MAGI1: variants seen among roughly 807,000 people sequenced by gnomAD.
MAGI1 encodes membrane associated guanylate kinase, WW and PDZ domain containing 1.
In MAGI1, 58 loss-of-function variants were observed where a neutral mutation model predicts 139.9. The observed-to-expected ratio is 0.41, with a 90% CI of 0.34 to 0.52. The LOEUF is 0.52. Ranked by LOEUF, MAGI1 falls within the 20% of genes least tolerant of loss-of-function variation. MAGI1 has a pLI of 0.12. For missense variants in MAGI1, 1,874 were observed against 1,901.6 expected (o/e 0.99, Z 0.27); for synonymous variants, 812 against 737.9 (o/e 1.10, Z -1.63).
intron 2 of MAGI1, among the ~76,000 whole-genome samples, chr3:65,612,195 T>C (rs2083160154): frequency 6.6e-6 from 1 of 152,102 alleles, no homozygotes; most frequent in African/African-American, 2.4e-5. Flanking sequence ...TTATTTTTTA[T>C]TTTTTGGTAT....
At chr3:65,370,183 C>T (rs766965417) in intron 18 of MAGI1, among the ~76,000 whole-genome samples, 32 of 152,240 alleles carry the variant, frequency 2.1e-4, no homozygotes, top group Non-Finnish European at 3.8e-4. Flanking sequence ...AGGAGCATCA[C>T]CATGAACCCG....
At chr3:65,402,914 G>T (rs2107128051) in intron 12 of MAGI1, among the ~76,000 whole-genome samples, 1 of 152,300 alleles carries the variant, frequency 6.6e-6, no homozygotes, top group East Asian at 1.9e-4. Context: ...ACACTCAGTA[G>T]TTTGTCAGAA....
chr3:65,877,301 G>A (rs1355468356), intron 1 of MAGI1, among the ~76,000 whole-genome samples: 3 of 152,116 alleles, frequency 2.0e-5, no homozygotes, highest in Non-Finnish European at 4.4e-5. Flanking sequence ...AACTCTACAA[G>A]GTACAACTCC....
chr3:65,607,116 A>G (rs1368503513), intron 2 of MAGI1, among the ~76,000 whole-genome samples: 1 of 151,938 alleles, frequency 6.6e-6, no homozygotes, highest in Non-Finnish European at 1.5e-5. Context: ...CATGTTAAAT[A>G]AATAACAATA....
chr3:65,936,155 G>A (rs146015604), intron 1 of MAGI1, among the ~76,000 whole-genome samples: 1 of 152,146 alleles, frequency 6.6e-6, no homozygotes. Flanking sequence ...GCCATGGAAG[G>A]GTTTTAAGAA....
intron 1 of MAGI1, among the ~76,000 whole-genome samples, chr3:65,781,663 A>C (rs1228491274): frequency 6.6e-6 from 1 of 152,238 alleles, no homozygotes; most frequent in African/African-American, 2.4e-5. Context: ...TATTATAGAT[A>C]ATTCAGTTTT....
At chr3:65,569,772 G>C (rs1231638385) in intron 2 of MAGI1, among the ~76,000 whole-genome samples, 2 of 151,902 alleles carry the variant, frequency 1.3e-5, no homozygotes, top group Non-Finnish European at 2.9e-5. Context: ...TTCTACTTGG[G>C]GGGCTGATGG....
At chr3:65,704,095 C>T (rs1298814702) in intron 1 of MAGI1, among the ~76,000 whole-genome samples, 2 of 152,120 alleles carry the variant, frequency 1.3e-5, no homozygotes, top group Non-Finnish European at 2.9e-5. Flanking sequence ...GAAGGCAGGG[C>T]ATCACCAATC....
chr3:65,744,698 T>A (rs1180941903), intron 1 of MAGI1, among the ~76,000 whole-genome samples: 1 of 109,982 alleles, frequency 9.1e-6, no homozygotes, highest in Non-Finnish European at 2.4e-5. Flanking sequence ...TTGTTTTCTG[T>A]TTTTTTTAAT....
chr3:65,643,160 T>C (rs996430625), intron 1 of MAGI1, among the ~76,000 whole-genome samples: 1 of 152,234 alleles, frequency 6.6e-6, no homozygotes, highest in Non-Finnish European at 1.5e-5. Flanking sequence ...GAGTTATTCA[T>C]TTCTCAGCTC....
At chr3:65,770,306 C>A (rs574905652) in intron 1 of MAGI1, among the ~76,000 whole-genome samples, 116 of 152,240 alleles carry the variant, frequency 7.6e-4, no homozygotes, top group South Asian at 3.3e-3. Flanking sequence ...CAAAATTGGT[C>A]AAGCACTAAT....
At position 65,783,350 on chromosome 3, in the gene MAGI1, T is replaced by C. The variant is rs1424788484; in HGVS notation, c.314-161262A>G. On this transcript the variant is annotated intron_variant, in intron 1 of 22. Coordinates refer to ENST00000402939, the MANE Select transcript of MAGI1 (RefSeq NM_001033057.2). ...TTCACACCCACTAGGATGGCTACAA[T>C]CAAAAAGGCAAAATAAGGCAAGGCA... 2.0e-5 allele frequency among the ~76,000 whole-genome samples: 3 copies of C among 151,940 alleles called. No individual in the cohort carries two copies. In the South Asian group the frequency reaches 6.2e-4, roughly 32 times the overall value.
At chr3:65,758,771 TTAA>T (rs201840656) in intron 1 of MAGI1, among the ~76,000 whole-genome samples, 3,826 of 152,170 alleles carry the variant, frequency 0.025, 70 homozygotes, top group Non-Finnish European at 0.038. Flanking sequence ...GAGAAATCAA[TTAA>T]TAATATTTTT....
chr3:65,833,122 CT>C (rs1445763167), intron 1 of MAGI1, among the ~76,000 whole-genome samples: 7 of 89,514 alleles, frequency 7.8e-5, no homozygotes, highest in Middle Eastern at 5.0e-3. Flanking sequence ...GTCTACTGAA[CT>C]TTTTTTTTTT....
intron 1 of MAGI1, among the ~76,000 whole-genome samples, chr3:65,634,646 C>T (rs1463074059): frequency 6.6e-6 from 1 of 152,196 alleles, no homozygotes; most frequent in African/African-American, 2.4e-5. Context: ...TCCAGTATAA[C>T]ACATAGTAAG....
At chr3:65,997,517 G>A (rs1318544547) in intron 1 of MAGI1, among the ~76,000 whole-genome samples, 2 of 152,100 alleles carry the variant, frequency 1.3e-5, no homozygotes, top group South Asian at 2.1e-4. Context: ...TTAGCCAGGC[G>A]TGGTAGCGGG....
At chr3:66,010,641 T>C (rs1055872591) in intron 1 of MAGI1, among the ~76,000 whole-genome samples, 9 of 152,224 alleles carry the variant, frequency 5.9e-5, no homozygotes, top group East Asian at 3.8e-4. Context: ...ATGTCATTAG[T>C]AGGACAGCTC....
At chr3:66,023,854 G>A (rs115903965) in intron 1 of MAGI1, among the ~76,000 whole-genome samples, 2,168 of 152,244 alleles carry the variant, frequency 0.014, 26 homozygotes, top group Non-Finnish European at 0.023. Flanking sequence ...TCAATTTCAA[G>A]ATGTGACTTT....
chr3:65,445,847 C>G (rs1044923181), intron 7 of MAGI1, among the ~76,000 whole-genome samples: 9 of 152,214 alleles, frequency 5.9e-5, no homozygotes, highest in African/African-American at 2.2e-4. Context: ...AGGCCGATTA[C>G]AAAGAGGGTT....
Sources: allele counts gnomAD v4.1 joint callset (sites outside exome capture counted in the v4.1 genomes callset), GRCh38; gene constraint gnomAD v4.1.1; transcripts MANE v1.5; gene names NCBI Gene and HGNC (gene_info 2026-07-23, HGNC 2026-07-21).